Variants in VWC2 observed in about 807,000 individuals in gnomAD.
VWC2 encodes the protein von Willebrand factor C domain containing 2.
VWC2 carries 14 observed loss-of-function variants against 29.8 expected under a neutral mutation model. That is an observed-to-expected ratio of 0.47 (90% CI 0.31 to 0.74). The LOEUF (loss-of-function observed/expected upper bound fraction) is 0.74, where lower values mean the gene tolerates loss of function less well. Among genes scored for constraint, VWC2 ranks in the 30% least tolerant of loss-of-function variants. The pLI, the probability that VWC2 is intolerant of heterozygous loss-of-function variation, is 0.05. For synonymous variants in VWC2, 213 were observed against 199.0 expected, an observed-to-expected ratio of 1.07 and a Z score of -0.59; for missense variants, 457 against 459.8, an observed-to-expected ratio of 0.99 and a Z score of 0.05.
At chr7:49,869,792 A>C (rs1208108204) in intron 3 of VWC2, among the ~76,000 whole-genome samples, 2 of 152,120 alleles carry the variant, frequency 1.3e-5, no homozygotes, top group African/African-American at 4.8e-5. Flanking sequence ...ACGGCCACAA[A>C]CTACATTTAT....
At chr7:49,855,733 C>G (rs1790391736) in intron 3 of VWC2, among the ~76,000 whole-genome samples, 1 of 152,156 alleles carries the variant, frequency 6.6e-6, no homozygotes, top group South Asian at 2.1e-4. Flanking sequence ...GGGGCCAGTT[C>G]AGTGCTTGGC....
chr7:49,912,242 T>C lies in VWC2; in HGVS notation c.*57T>C. ...CTAGAACATTTTACTGATGTGAACA[T>C]TCTAGATGACTCTGGGAACTATCAG... is the stretch of plus-strand genomic sequence containing the variant. On this transcript the variant is annotated 3_prime_UTR_variant, in exon 4 of 4. Transcript: ENST00000340652. 1 of 1,582,444 alleles carries C rather than the reference T, an allele frequency of 6.3e-7. No homozygotes were observed. The highest frequency in any genetic ancestry group is 8.6e-7 in the Non-Finnish European group (1 of 1,158,166).
chr7:49,797,757 A>C (rs796084951), intron 2 of VWC2, among the ~76,000 whole-genome samples: 56 of 152,288 alleles, frequency 3.7e-4, no homozygotes, highest in African/African-American at 1.3e-3. Context: ...ATCCCAAGAA[A>C]CCATGTTCTT....
At chr7:49,833,537 A>G (rs1318939067) in intron 3 of VWC2, among the ~76,000 whole-genome samples, 1 of 152,198 alleles carries the variant, frequency 6.6e-6, no homozygotes, top group African/African-American at 2.4e-5. Context: ...TAAAGGAGCA[A>G]GGTGGTCCAA....
At chr7:49,778,716 G>C (rs1788104076) in intron 2 of VWC2, among the ~76,000 whole-genome samples, 1 of 152,214 alleles carries the variant, frequency 6.6e-6, no homozygotes, top group Non-Finnish European at 1.5e-5. Flanking sequence ...TGCAGTAATG[G>C]AGATTTGTCA....
At position 49,911,480 on chromosome 7, in the gene VWC2, C is replaced by CAAAA. The variant is rs34782644; in HGVS notation, c.827-534_827-531dup. 2.1e-4 allele frequency among the ~76,000 whole-genome samples: 15 copies of CAAAA among 71,582 alleles called. 1 individual carries two copies. The highest frequency in any genetic ancestry group is 5.0e-4 in the African/African-American group (8 of 16,134). The allele number at this position is 71,582 out of a possible 152,430, so 47.0% of individuals were successfully genotyped here. A position where few individuals can be genotyped will look rare whatever the true frequency, so the allele number is the denominator to read the frequency against. On this transcript the variant is annotated intron_variant, in intron 3 of 3. Coordinates refer to ENST00000340652, the MANE Select transcript of VWC2 (RefSeq NM_198570.5). ...CTGGTGACAGAGCAAGACTCTGTCT[C>CAAAA]AAAAAAAAAAAAAAAAAAAAAAATT... is the stretch of plus-strand genomic sequence containing the variant.
In VWC2 at chr7:49,796,174, G is replaced by T. The variant is rs561941227; in HGVS notation, c.697-6537G>T. Among the ~76,000 whole-genome samples, 4 of 152,328 alleles carry T rather than the reference G, an allele frequency of 2.6e-5. No individual in the cohort carries two copies. In the East Asian group the frequency reaches 7.7e-4, roughly 29 times the overall value. On this transcript the variant is annotated intron_variant, in intron 2 of 3. Coordinates refer to ENST00000340652, the MANE Select transcript of VWC2 (RefSeq NM_198570.5). ...AAATGGGAAGAAGAATATACTTTAT[G>T]CTGAATAGTTGTAGTTGAGAAAGTT... is the stretch of plus-strand genomic sequence containing the variant.
At chr7:49,897,119 T>G (rs1583780661) in intron 3 of VWC2, among the ~76,000 whole-genome samples, 1 of 151,836 alleles carries the variant, frequency 6.6e-6, no homozygotes, top group South Asian at 2.1e-4. Context: ...ATGGTCTCGA[T>G]CTCCTGACCT....
At chr7:49,885,684 A>G (rs1033426031) in intron 3 of VWC2, among the ~76,000 whole-genome samples, 1 of 152,272 alleles carries the variant, frequency 6.6e-6, no homozygotes, top group African/African-American at 2.4e-5. Context: ...AGGTGTTAAC[A>G]TAGTGATCAG....
chr7:49,895,017 A>G (rs1792315109), intron 3 of VWC2, among the ~76,000 whole-genome samples: 1 of 152,172 alleles, frequency 6.6e-6, no homozygotes, highest in South Asian at 2.1e-4. Context: ...CTGATACTAT[A>G]TGTCTAAGTC....
At chr7:49,871,648 T>C (rs1791150191) in intron 3 of VWC2, among the ~76,000 whole-genome samples, 1 of 151,896 alleles carries the variant, frequency 6.6e-6, no homozygotes, top group Non-Finnish European at 1.5e-5. Flanking sequence ...GAGAATGGAA[T>C]GTCATGGAAA....
intron 3 of VWC2, among the ~76,000 whole-genome samples, chr7:49,803,572 G>T (rs1171309613): frequency 1.3e-5 from 2 of 152,210 alleles, no homozygotes; most frequent in Admixed American, 6.5e-5. Flanking sequence ...GGATCTGAGT[G>T]GCCTCGCTGA....
At chr7:49,785,383 G>T (rs1360295077) in intron 2 of VWC2, among the ~76,000 whole-genome samples, 1 of 152,080 alleles carries the variant, frequency 6.6e-6, no homozygotes, top group African/African-American at 2.4e-5. Context: ...TCCAAGAGAC[G>T]GCAGTTCCAA....
intron 3 of VWC2, among the ~76,000 whole-genome samples, chr7:49,865,506 T>C (rs1295389873): frequency 1.3e-5 from 2 of 152,238 alleles, no homozygotes; most frequent in Non-Finnish European, 2.9e-5. Flanking sequence ...TGGGCTGGTG[T>C]GGTCTCTGGC....
chr7:49,879,381 T>C (rs895279839), intron 3 of VWC2, among the ~76,000 whole-genome samples: 1 of 152,210 alleles, frequency 6.6e-6, no homozygotes, highest in Non-Finnish European at 1.5e-5. Context: ...CAAATGTTTG[T>C]AGGAATGATT....
At chr7:49,880,928 G>C (rs1249049111) in intron 3 of VWC2, among the ~76,000 whole-genome samples, 2 of 152,198 alleles carry the variant, frequency 1.3e-5, no homozygotes, top group African/African-American at 4.8e-5. Flanking sequence ...AGGGTGGCAT[G>C]ATGTAATCAT....
chr7:49,789,130 T>C (rs1788394078), intron 2 of VWC2, among the ~76,000 whole-genome samples: 1 of 141,360 alleles, frequency 7.1e-6, no homozygotes, highest in South Asian at 2.3e-4. Flanking sequence ...AGTGTGTGTG[T>C]GAATGGATGT....
intron 3 of VWC2, among the ~76,000 whole-genome samples, chr7:49,892,520 T>C (rs1792187688): frequency 6.6e-6 from 1 of 152,212 alleles, no homozygotes. Context: ...AAACCTATTT[T>C]ATTCTGTTAG....
At chr7:49,889,817 G>T (rs980669683) in intron 3 of VWC2, among the ~76,000 whole-genome samples, 1 of 152,066 alleles carries the variant, frequency 6.6e-6, no homozygotes, top group Admixed American at 6.5e-5. Context: ...GGTCTTTAAC[G>T]ATAACAAATA....
Sources: gnomAD v4.1 joint callset for allele counts (sites outside exome capture counted in the v4.1 genomes callset) on GRCh38, gnomAD v4.1.1 for gene constraint, MANE v1.5 for transcripts, NCBI Gene and HGNC (gene_info 2026-07-23, HGNC 2026-07-21) for gene names.